Variants in FARS2 observed in about 807,000 individuals in gnomAD.
FARS2 encodes phenylalanyl-tRNA synthetase 2, mitochondrial.
Under a neutral mutation model 46.4 loss-of-function variants are expected in FARS2, and 40 were observed. The observed-to-expected ratio is 0.86, with a 90% confidence interval of 0.67 to 1.12. The LOEUF is 1.12. FARS2 is among the 50% of genes most tolerant of loss of function. The pLI is 0.00. For synonymous variants in FARS2, 234 were observed against 214.9 expected (o/e 1.09, Z -0.78); for missense variants, 513 against 567.9 (o/e 0.90, Z 0.98).
intron 1 of FARS2, among the ~76,000 whole-genome samples, chr6:5,289,992 G>T (rs1414544434): frequency 1.3e-5 from 2 of 152,064 alleles, no homozygotes; most frequent in African/African-American, 4.8e-5. Flanking sequence ...TTGTGTTCAT[G>T]GTTCTTTTCA....
chr6:5,282,528 C>T (rs991146228), intron 1 of FARS2, among the ~76,000 whole-genome samples: 7 of 152,168 alleles, frequency 4.6e-5, no homozygotes, highest in African/African-American at 1.4e-4. Flanking sequence ...AGGAGGCCAC[C>T]GGAGTTGAGG....
chr6:5,624,798 G>A (rs1775948655), intron 6 of FARS2, among the ~76,000 whole-genome samples: 1 of 152,190 alleles, frequency 6.6e-6, no homozygotes, highest in African/African-American at 2.4e-5. Context: ...AGAATTGCTG[G>A]CAGAAATGGG....
Position 5,439,003 on chromosome 6 carries a change from G to C in FARS2, c.904+7831G>C, listed in dbSNP as rs77861115. 1.5e-3 allele frequency among the ~76,000 whole-genome samples: 236 copies of C among 152,310 alleles called. 2 individuals are homozygous for C. Among genetic ancestry groups the C allele is most frequent in the African/African-American group, 5.4e-3 (226 of 41,560 alleles). ...CTTTCTGAATGGCATCCTGTCATCT[G>C]TGGTGACTGTTGCTGTTTTAGTAGG... is the stretch of plus-strand genomic sequence containing the variant. On this transcript the variant is annotated intron_variant, in intron 4 of 6. Transcript: ENST00000274680.
At chr6:5,720,006 G>A (rs1759785195) in intron 6 of FARS2, among the ~76,000 whole-genome samples, 2 of 151,950 alleles carry the variant, frequency 1.3e-5, no homozygotes, top group South Asian at 4.2e-4. Flanking sequence ...TGTAAAAGTT[G>A]GCCTGTGCTT....
intron 4 of FARS2, among the ~76,000 whole-genome samples, chr6:5,543,231 G>A (rs777333160): frequency 3.3e-5 from 5 of 152,144 alleles, no homozygotes; most frequent in South Asian, 4.1e-4. Flanking sequence ...AGTGATAACC[G>A]CAGGTGCTGG....
chr6:5,542,944 T>C (rs904174094), intron 4 of FARS2, among the ~76,000 whole-genome samples: 1 of 152,228 alleles, frequency 6.6e-6, no homozygotes, highest in African/African-American at 2.4e-5. Context: ...CATAGAACTT[T>C]TTTTGTACAA....
intron 1 of FARS2, among the ~76,000 whole-genome samples, chr6:5,347,512 G>T (rs1385600860): frequency 6.6e-6 from 1 of 152,146 alleles, no homozygotes; most frequent in African/African-American, 2.4e-5. Flanking sequence ...GTTTGTGTGT[G>T]TGCGTGTGTG....
chr6:5,770,401 T>TTGCTGCTGC lies in FARS2; in HGVS notation c.1218-869_1218-861dup, dbSNP rs3058189. On this transcript the variant is annotated intron_variant, in intron 6 of 6. Coordinates refer to ENST00000274680, the MANE Select transcript of FARS2 (RefSeq NM_006567.5). ...AGGGATTGGGTTGCCTCTGTTGTTGTTGCTGCTGCTGCTGCTGCTGCTGCT... is the reference window on the plus strand; with the variant it reads ...AGGGATTGGGTTGCCTCTGTTGTTGTTGCTGCTGCTGCTGCTGCTGCTGCTGCTGCTGCT... Among the ~76,000 whole-genome samples, 235 of 151,512 alleles carry TTGCTGCTGC rather than the reference T, an allele frequency of 1.6e-3. 1 individual carries two copies. Among genetic ancestry groups the TTGCTGCTGC allele is most frequent in the African/African-American group, 5.3e-3 (218 of 41,182 alleles).
chr6:5,335,750 A>G (rs1275595039), intron 1 of FARS2, among the ~76,000 whole-genome samples: 1 of 152,200 alleles, frequency 6.6e-6, no homozygotes, highest in Non-Finnish European at 1.5e-5. Flanking sequence ...AAATTGTGTG[A>G]CCAGTAATCA....
rs143511759 is a variant in FARS2 at position 5,482,327 on chromosome 6, G to A, written c.904+51155G>A. On this transcript the variant is annotated intron_variant, in intron 4 of 6. Coordinates refer to ENST00000274680, the MANE Select transcript of FARS2 (RefSeq NM_006567.5). Reference sequence around the variant, plus strand: ...AATTACACAGCATCTTATTATCTCTGATTTGATGCAATATGGTTTAACTGA... The same window carrying A: ...AATTACACAGCATCTTATTATCTCTAATTTGATGCAATATGGTTTAACTGA... Among the ~76,000 whole-genome samples the A allele has an allele frequency of 6.5e-3, 996 of 152,174 alleles. 11 individuals carry two copies. The highest frequency in any genetic ancestry group is 0.022 in the African/African-American group (922 of 41,528).
At chr6:5,753,782 G>A (rs773094731) in intron 6 of FARS2, among the ~76,000 whole-genome samples, 8 of 152,184 alleles carry the variant, frequency 5.3e-5, no homozygotes, top group Non-Finnish European at 1.0e-4. Flanking sequence ...CTTTCAGAGA[G>A]AGACTCACCG....
rs575478097 is a variant in FARS2, at chr6:5,768,829, A to G, written c.1218-2462A>G. Reference sequence around the variant, plus strand: ...CATTTGTTTTACTATGTTGTTGGCTATTTTATCGTTGAGTTGTAAGAGTTC... The same window carrying G: ...CATTTGTTTTACTATGTTGTTGGCTGTTTTATCGTTGAGTTGTAAGAGTTC... On this transcript the variant is annotated intron_variant, in intron 6 of 6. Transcript: ENST00000274680. 9.9e-5 allele frequency among the ~76,000 whole-genome samples: 15 copies of G among 152,086 alleles called. 1 individual carries two copies. In the South Asian group the frequency reaches 2.3e-3, roughly 23 times the overall value.
At chr6:5,473,724 T>A (rs1321247760) in intron 4 of FARS2, among the ~76,000 whole-genome samples, 1 of 152,188 alleles carries the variant, frequency 6.6e-6, no homozygotes, top group Non-Finnish European at 1.5e-5. Flanking sequence ...ATTTGCAGGC[T>A]AAATTGGATT....
intron 1 of FARS2, among the ~76,000 whole-genome samples, chr6:5,307,174 T>C (rs953998464): frequency 6.6e-6 from 1 of 152,224 alleles, no homozygotes. Context: ...TTTGTTAAAA[T>C]CTTTACTTGC....
intron 2 of FARS2, among the ~76,000 whole-genome samples, chr6:5,375,195 T>C (rs68013882): frequency 0.3 from 45,268 of 151,852 alleles, 7,419 homozygotes; most frequent in South Asian, 0.39. Flanking sequence ...AGATCAACTA[T>C]TAGAACTTAC....
chr6:5,723,495 T>C (rs1244397071), intron 6 of FARS2, among the ~76,000 whole-genome samples: 1 of 152,198 alleles, frequency 6.6e-6, no homozygotes, highest in African/African-American at 2.4e-5. Flanking sequence ...GATCCGCTCA[T>C]AGGCTTGTTG....
chr6:5,489,677 T>C (rs1374884931), intron 4 of FARS2, among the ~76,000 whole-genome samples: 5 of 152,188 alleles, frequency 3.3e-5, no homozygotes, highest in Non-Finnish European at 7.4e-5. Context: ...CTCTTTCCTG[T>C]ACAGGCATAT....
chr6:5,725,500 G>A (rs532907731), intron 6 of FARS2, among the ~76,000 whole-genome samples: 1 of 152,330 alleles, frequency 6.6e-6, no homozygotes, highest in East Asian at 1.9e-4. Context: ...CACTGGCAGT[G>A]GGAAGAGTTA....
intron 3 of FARS2, among the ~76,000 whole-genome samples, chr6:5,411,138 G>A (rs1761921469): frequency 1.3e-5 from 2 of 152,158 alleles, no homozygotes; most frequent in South Asian, 4.1e-4. Flanking sequence ...TCAGGGCCAG[G>A]CCCAATGGCT....
Sources: gnomAD v4.1 joint callset for allele counts (sites outside exome capture counted in the v4.1 genomes callset) on GRCh38, gnomAD v4.1.1 for gene constraint, MANE v1.5 for transcripts, NCBI Gene and HGNC (gene_info 2026-07-23, HGNC 2026-07-21) for gene names.